The following LDB3 variants were observed in gnomAD, a reference collection of about 807,000 sequenced individuals.
The protein encoded by LDB3 is LIM domain-binding protein 3.
A neutral mutation model predicts 69.0 loss-of-function variants in LDB3; 49 were observed. That is an observed-to-expected ratio of 0.71 (90% CI 0.56 to 0.90). The LOEUF is 0.90. Among genes scored for constraint, LDB3 ranks in the 40% least tolerant of loss-of-function variants. LDB3 has a pLI of 0.00. For missense variants in LDB3, 928 were observed against 974.1 expected, an observed-to-expected ratio of 0.95 and a Z score of 0.63; for synonymous variants, 387 against 396.2, an observed-to-expected ratio of 0.98 and a Z score of 0.28.
At chr10:86,686,827 A>G (rs1845501033) in intron 5 of LDB3, among the ~76,000 whole-genome samples, 2 of 151,510 alleles carry the variant, frequency 1.3e-5, no homozygotes, top group Non-Finnish European at 2.9e-5. Context: ...AAAAAGAAAG[A>G]AAAAAGAAAA....
chr10:86,711,800 CG>C (rs1045073150), intron 9 of LDB3, among the ~76,000 whole-genome samples: 4 of 149,280 alleles, frequency 2.7e-5, no homozygotes, highest in African/African-American at 7.3e-5. Flanking sequence ...GCGCGCGGGC[CG>C]GGGACGGTCA....
chr10:86,681,309 C>T lies in LDB3; in HGVS notation c.322-127C>T, dbSNP rs576944923. The T allele has an allele frequency of 5.9e-4, 817 of 1,392,008 alleles. 1 individual carries two copies. The highest frequency in any genetic ancestry group is 7.5e-4 in the Non-Finnish European group (751 of 997,920). The allele number at this position is 1,392,008 out of a possible 1,614,324, so 86.2% of individuals were successfully genotyped here. A position where few individuals can be genotyped will look rare whatever the true frequency, so the allele number is the denominator to read the frequency against. On this transcript the variant is annotated intron_variant, in intron 4 of 13. Coordinates refer to ENST00000361373, the MANE Select transcript of LDB3 (RefSeq NM_007078.3). ...CTCCCCTCCAAGTGCTGCGCCCAGG[C>T]GCTCTGGGCTTCAGGCTGCGGGGCT...
rs556222085 is a variant in LDB3 at position 86,679,387 on chromosome 10, A to C, written c.114A>C (p.Ala38=). Residue 38 remains alanine (A), a synonymous_variant, in exon 3 of 14, where the codon GCA becomes GCC. Transcript: ENST00000361373. ...ATCAGATCACACCAGGCAGCAAGGC[A>C]GCCCAGTCCCAGCTCAGCCAGGGTG... ...TISRITPGSK[A]AQSQLSQGDL... The C allele has an allele frequency of 1.2e-6, 2 of 1,614,180 alleles. No individual in the cohort carries two copies. The highest frequency in any genetic ancestry group is 1.6e-4 in the Middle Eastern group (1 of 6,062).
At chr10:86,694,070 C>T (rs578151196) in intron 7 of LDB3, among the ~76,000 whole-genome samples, 84 of 152,320 alleles carry the variant, frequency 5.5e-4, no homozygotes, top group African/African-American at 1.7e-3. Flanking sequence ...CAGTCACGCT[C>T]AGCTTGTGCC....
Position 86,685,664 on chromosome 10 carries a change from C to T in LDB3, c.689+3861C>T, listed in dbSNP as rs754704023. The T allele has an allele frequency of 1.1e-4, 172 of 1,613,742 alleles. 1 individual carries two copies. Among genetic ancestry groups the T allele is most frequent in the Non-Finnish European group, 1.4e-4 (166 of 1,179,804 alleles). ...CTCTGACCACCCTGTCTTCTTTGCC[C>T]TTTTCCTCCCCAGGTGGTAGTCAAC... is the stretch of plus-strand genomic sequence containing the variant. On this transcript the variant is annotated intron_variant, in intron 5 of 13. Coordinates refer to ENST00000361373, the MANE Select transcript of LDB3 (RefSeq NM_007078.3).
At chr10:86,688,011 C>A (rs976069262) in intron 5 of LDB3, among the ~76,000 whole-genome samples, 8 of 151,636 alleles carry the variant, frequency 5.3e-5, no homozygotes, top group African/African-American at 1.9e-4. Flanking sequence ...CTGTCTTCCT[C>A]CTTGTTGCTT....
rs1178267987 is a variant in LDB3 at position 86,718,047 on chromosome 10, T to C, written c.1760T>C (p.Val587Ala). The C allele has an allele frequency of 6.2e-7, 1 of 1,614,166 alleles. No individual in the cohort carries two copies. The change falls in exon 11 of 14, where the codon GTG becomes GCG. Residue 587 changes from valine to alanine, a missense_variant. Val to Ala is a moderately conservative substitution (Grantham distance 64). Coordinates refer to ENST00000361373, the MANE Select transcript of LDB3 (RefSeq NM_007078.3). ...TACTGCAAGACTTCCCTGGCAGATG[T>C]GTGCTTTGTGGAAGAGCAGAACAAC... is the stretch of plus-strand genomic sequence containing the variant. ...CAYCKTSLAD[V>A]CFVEEQNNVY...
chr10:86,697,545 CTTTCTTTTTTTTT>C (rs888431657), intron 7 of LDB3, among the ~76,000 whole-genome samples: 1 of 125,596 alleles, frequency 8.0e-6, no homozygotes, highest in Non-Finnish European at 1.6e-5. Flanking sequence ...CTTTTTCTTT[CTTTCTTTTTTTTT>C]TTTTTTTTTT....
At chr10:86,719,500 G>A (rs1166924813) in intron 12 of LDB3, among the ~76,000 whole-genome samples, 2 of 152,156 alleles carry the variant, frequency 1.3e-5, no homozygotes, top group African/African-American at 4.8e-5. Flanking sequence ...AAAGGCCTTG[G>A]CTGTGGACTT....
intron 2 of LDB3, among the ~76,000 whole-genome samples, chr10:86,672,142 G>T (rs915880777): frequency 6.6e-6 from 1 of 152,088 alleles, no homozygotes; most frequent in African/African-American, 2.4e-5. Context: ...CAAATAAAAT[G>T]ATGCCTTCCA....
intron 13 of LDB3, among the ~76,000 whole-genome samples, chr10:86,731,263 C>T (rs1847451710): frequency 7.4e-6 from 1 of 135,834 alleles, no homozygotes. Context: ...CTCGCTCTGT[C>T]GCCCAGGCTT....
At chr10:86,681,381 G>T (rs1246470918) in intron 4 of LDB3, 55 bp from the exon 5 acceptor site, 1 of 1,596,698 alleles carries the variant, frequency 6.3e-7, no homozygotes, top group East Asian at 2.2e-5. Context: ...GCTGGGACGC[G>T]TGTGGCCTCT....
chr10:86,683,570 T>C (rs928548135), intron 5 of LDB3, among the ~76,000 whole-genome samples: 3 of 152,390 alleles, frequency 2.0e-5, no homozygotes, highest in Admixed American at 1.3e-4. Flanking sequence ...CAGACCCTGA[T>C]GAATGTGTAA....
intron 2 of LDB3, among the ~76,000 whole-genome samples, chr10:86,677,721 T>C (rs1157767938): frequency 1.3e-5 from 2 of 152,202 alleles, no homozygotes; most frequent in Non-Finnish European, 2.9e-5. Flanking sequence ...ACCTGCACCC[T>C]GCCTTCTGGA....
At chr10:86,677,360 G>A (rs2132352467) in intron 2 of LDB3, among the ~76,000 whole-genome samples, 1 of 152,304 alleles carries the variant, frequency 6.6e-6, no homozygotes. Context: ...GGCTGCTAAT[G>A]TCACTAGGGG....
At chr10:86,684,494 T>C (rs1845352822) in intron 5 of LDB3, among the ~76,000 whole-genome samples, 1 of 152,200 alleles carries the variant, frequency 6.6e-6, no homozygotes, top group Non-Finnish European at 1.5e-5. Flanking sequence ...TGGCCAAAAA[T>C]GGAGAAGGAA....
At chr10:86,696,231 G>A (rs1028255466) in intron 7 of LDB3, among the ~76,000 whole-genome samples, 2 of 151,052 alleles carry the variant, frequency 1.3e-5, no homozygotes, top group East Asian at 2.0e-4. Context: ...CAGCCACCTC[G>A]CTTACACGCC....
At chr10:86,683,602 C>A (rs962667544) in intron 5 of LDB3, among the ~76,000 whole-genome samples, 2 of 152,228 alleles carry the variant, frequency 1.3e-5, no homozygotes, top group Non-Finnish European at 2.9e-5. Context: ...GTGCTCAGAG[C>A]AGCAGAGTCT....
chr10:86,709,867 T>G, intron 8 of LDB3, 38 bp from the exon 9 acceptor site: 1 of 1,602,936 alleles, frequency 6.2e-7, no homozygotes, highest in Non-Finnish European at 8.5e-7. Context: ...CAGTGGGGGC[T>G]GTCCTTCTGG....
Sources: allele counts gnomAD v4.1 joint callset (sites outside exome capture counted in the v4.1 genomes callset), GRCh38; gene constraint gnomAD v4.1.1; transcripts MANE v1.5; gene names NCBI Gene and HGNC (gene_info 2026-07-23, HGNC 2026-07-21).